The following PNLIP variants were observed in gnomAD, a reference collection of about 807,000 sequenced individuals.
PNLIP encodes the protein pancreatic lipase.
Under a neutral mutation model 57.1 loss-of-function variants are expected in PNLIP, and 49 were observed. That is an observed-to-expected ratio of 0.86 (90% CI 0.68 to 1.09). The LOEUF (loss-of-function observed/expected upper bound fraction) is 1.09, where lower values mean the gene tolerates loss of function less well. Ranked by LOEUF, PNLIP falls within the 50% of genes least tolerant of loss-of-function variation. The probability of loss-of-function intolerance (pLI) is 0.00; values close to 1 mark genes in which losing one functional copy is unlikely to be tolerated. For missense variants in PNLIP, 503 were observed against 570.2 expected, an observed-to-expected ratio of 0.88 and a Z score of 1.20; for synonymous variants, 209 against 200.4, an observed-to-expected ratio of 1.04 and a Z score of -0.36.
chr10:116,554,106 C>T (rs1405302784), intron 6 of PNLIP, among the ~76,000 whole-genome samples: 1 of 152,076 alleles, frequency 6.6e-6, no homozygotes, highest in Non-Finnish European at 1.5e-5. Flanking sequence ...TGTTCTGAGG[C>T]TTTGTAAAGT....
chr10:116,560,550 C>CTTTT (rs753235094), intron 11 of PNLIP, 26 bp downstream of exon 11: 328 of 504,424 alleles, frequency 6.5e-4, no homozygotes, highest in South Asian at 2.2e-3. Context: ...TTGCTCTATG[C>CTTTT]TTTTTTTTTT....
At chr10:116,555,355 A>T (rs749314010) in intron 7 of PNLIP, 33 bp from the exon 8 acceptor site, 2 of 1,614,150 alleles carry the variant, frequency 1.2e-6, no homozygotes, top group Non-Finnish European at 1.7e-6. Flanking sequence ...TATATACATT[A>T]GCATAAACCC....
At chr10:116,565,249 C>CTAAAA (rs1847353042) in intron 12 of PNLIP, among the ~76,000 whole-genome samples, 1 of 33,400 alleles carries the variant, frequency 3.0e-5, no homozygotes, top group Non-Finnish European at 4.8e-5. Context: ...GACAATGTCT[C>CTAAAA]AAAAAAAAAA....
chr10:116,547,218 T>A, intron 2 of PNLIP, 76 bp from the exon 3 acceptor site: 1 of 1,392,754 alleles, frequency 7.2e-7, no homozygotes, highest in Non-Finnish European at 1.0e-6. Flanking sequence ...CACAGTGTAA[T>A]TGAACTCATA....
At position 116,564,998 on chromosome 10, in the gene PNLIP, C is replaced by T. The variant is rs989717759; in HGVS notation, c.1335-2737C>T. Among the ~76,000 whole-genome samples the T allele has an allele frequency of 7.0e-4, 106 of 152,074 alleles. 1 individual carries two copies. The highest frequency in any genetic ancestry group is 2.5e-3 in the African/African-American group (103 of 41,506). On this transcript the variant is annotated intron_variant, in intron 12 of 12. Coordinates refer to ENST00000369221, the MANE Select transcript of PNLIP (RefSeq NM_000936.4). ...AAAAGGGGCCGGGTGTGGTGGCTCACACCTGTAATCCCAGCACTTTGGGAG... is the reference window on the plus strand; with the variant it reads ...AAAAGGGGCCGGGTGTGGTGGCTCATACCTGTAATCCCAGCACTTTGGGAG...
At position 116,547,308 on chromosome 10, in the gene PNLIP, T is replaced by C; in HGVS notation, c.61T>C (p.Tyr21His). 6.2e-7 allele frequency: 1 copy of C among 1,614,116 alleles called. No individual in the cohort carries two copies. The highest frequency in any genetic ancestry group is 2.2e-5 in the East Asian group (1 of 44,878). Residue 21 changes from tyrosine to histidine, a missense_variant, in exon 3 of 13, where the codon TAC becomes CAC. Transcript: ENST00000369221. ...GGGGATTGCAGGAAAAGAAGTTTGC[T>C]ACGAAAGACTCGGCTGCTTCAGTGA... ...LGAVAGKEVCYERLGCFSDDS... is the reference protein window; with the variant it reads ...LGAVAGKEVCHERLGCFSDDS...
intron 12 of PNLIP, among the ~76,000 whole-genome samples, chr10:116,567,506 G>C (rs181392381): frequency 6.6e-6 from 1 of 152,140 alleles, no homozygotes; most frequent in Non-Finnish European, 1.5e-5. Context: ...TCTTTGGGGC[G>C]TCTACTGACA....
chr10:116,553,012 T>C (rs1158727264), intron 5 of PNLIP, among the ~76,000 whole-genome samples: 1 of 152,266 alleles, frequency 6.6e-6, no homozygotes, highest in Admixed American at 6.5e-5. Context: ...GGCCTTTACA[T>C]TGCTTACCAC....
In PNLIP at chr10:116,556,031, A is replaced by C; in HGVS notation, c.843A>C (p.Leu281Phe). ...GTRDFAACNH[L>F]RSYKYYTDSI... Reference sequence around the variant, plus strand: ...GAGACTTTGCGGCCTGTAATCACTTAAGAAGCTACAAATATTACACTGATA... The same window carrying C: ...GAGACTTTGCGGCCTGTAATCACTTCAGAAGCTACAAATATTACACTGATA... The change falls in exon 9 of 13, where the codon TTA becomes TTC. Residue 281 changes from leucine (L) to phenylalanine (F), a missense_variant. By Grantham distance (22) the Leu-to-Phe change is conservative. Coordinates refer to ENST00000369221, the MANE Select transcript of PNLIP (RefSeq NM_000936.4). 1.2e-6 allele frequency: 2 copies of C among 1,613,566 alleles called. No homozygotes were observed. The highest frequency in any genetic ancestry group is 1.7e-6 in the Non-Finnish European group (2 of 1,179,498).
chr10:116,552,900 A>G (rs1847209906), intron 5 of PNLIP, among the ~76,000 whole-genome samples: 1 of 152,194 alleles, frequency 6.6e-6, no homozygotes. Context: ...ATAAAATAAA[A>G]TAAAATAAAA....
At position 116,548,359 on chromosome 10, in the gene PNLIP, G is replaced by A. The variant is rs775339813; in HGVS notation, c.202-1G>A. On this transcript the variant is annotated splice_acceptor_variant, in intron 3 of 12. Coordinates refer to ENST00000369221, the MANE Select transcript of PNLIP (RefSeq NM_000936.4). LOFTEE classifies it high-confidence loss of function. ...CATGAAACACTTTTCTGTCTAAACA[G>A]GAAGTTGCCGCAGATTCATCAAGCA... 10 of 1,613,726 alleles carry A rather than the reference G, an allele frequency of 6.2e-6. No homozygotes were observed. The highest frequency in any genetic ancestry group is 2.2e-5 in the South Asian group (2 of 91,044).
intron 12 of PNLIP, among the ~76,000 whole-genome samples, chr10:116,565,249 CAA>C (rs71010093): frequency 5.0e-3 from 167 of 33,380 alleles, no homozygotes; most frequent in African/African-American, 0.022. Context: ...GACAATGTCT[CAA>C]AAAAAAAAAA....
At chr10:116,552,703 A>G (rs1429755831) in intron 5 of PNLIP, among the ~76,000 whole-genome samples, 1 of 152,008 alleles carries the variant, frequency 6.6e-6, no homozygotes, top group Non-Finnish European at 1.5e-5. Flanking sequence ...TGGCTAACAC[A>G]GTGAAACCCT....
intron 4 of PNLIP, among the ~76,000 whole-genome samples, chr10:116,550,621 G>A (rs980655569): frequency 1.3e-5 from 2 of 152,192 alleles, no homozygotes; most frequent in South Asian, 2.1e-4. Context: ...TTATATAAGG[G>A]GTCCTAACAT....
At chr10:116,552,886 AAAAAT>A (rs200741909) in intron 5 of PNLIP, among the ~76,000 whole-genome samples, 2 of 152,154 alleles carry the variant, frequency 1.3e-5, no homozygotes, top group Non-Finnish European at 2.9e-5. Context: ...ACTCCATCTC[AAAAAT>A]AAAATAAAAT....
Position 116,553,192 on chromosome 10 carries a change from G to A in PNLIP, c.460-535G>A, listed in dbSNP as rs530060777. Among the ~76,000 whole-genome samples the A allele has an allele frequency of 2.6e-5, 4 of 152,192 alleles. No homozygotes were observed. The East Asian group carries it at 5.8e-4, about 22-fold the overall frequency. ...GCGATCTCGGCTCACTGCAACTTCC[G>A]TCTCCCGGGTTCAAGTGATTCTCCC... On this transcript the variant is annotated intron_variant, in intron 5 of 12. Coordinates refer to ENST00000369221, the MANE Select transcript of PNLIP (RefSeq NM_000936.4).
At chr10:116,565,701 C>G (rs922407548) in intron 12 of PNLIP, among the ~76,000 whole-genome samples, 1 of 152,150 alleles carries the variant, frequency 6.6e-6, no homozygotes, top group Admixed American at 6.5e-5. Flanking sequence ...AAGTGATTCA[C>G]CCACCTCGAC....
chr10:116,551,821 T>C (rs1048296093), intron 5 of PNLIP, among the ~76,000 whole-genome samples: 3 of 152,230 alleles, frequency 2.0e-5, no homozygotes, highest in Non-Finnish European at 4.4e-5. Flanking sequence ...TTATAACTAT[T>C]TTAAAAAACA....
intron 4 of PNLIP, among the ~76,000 whole-genome samples, chr10:116,549,757 A>G (rs1847170668): frequency 6.6e-6 from 1 of 152,248 alleles, no homozygotes; most frequent in Non-Finnish European, 1.5e-5. Context: ...TTCTCAGTTC[A>G]AAAGGAATAT....
Sources: gnomAD v4.1 joint callset for allele counts (sites outside exome capture counted in the v4.1 genomes callset) on GRCh38, gnomAD v4.1.1 for gene constraint, MANE v1.5 for transcripts, NCBI Gene and HGNC (gene_info 2026-07-23, HGNC 2026-07-21) for gene names.